The following MSRA variants were observed in gnomAD, a reference collection of about 807,000 sequenced individuals.
MSRA encodes the protein methionine sulfoxide reductase A.
MSRA carries 54 observed loss-of-function variants against 31.3 expected under a neutral mutation model. The observed-to-expected ratio is 1.73, with a 90% CI of 1.39 to 2.17. The LOEUF is 2.17. MSRA is among the 30% of genes most tolerant of loss of function. The pLI, the probability that MSRA is intolerant of heterozygous loss-of-function variation, is 0.00. For synonymous variants in MSRA, 169 were observed against 116.5 expected (o/e 1.45, Z -2.90); for missense variants, 507 against 300.9 (o/e 1.69, Z -5.07).
intron 5 of MSRA, among the ~76,000 whole-genome samples, chr8:10,335,329 A>G (rs1341033469): frequency 7.5e-6 from 1 of 134,050 alleles, no homozygotes; most frequent in Non-Finnish European, 1.5e-5. Context: ...CAGACACTGC[A>G]CGTGAGGCCT....
chr8:10,338,936 G>A (rs1803234405), intron 5 of MSRA, among the ~76,000 whole-genome samples: 1 of 152,334 alleles, frequency 6.6e-6, no homozygotes, highest in African/African-American at 2.4e-5. Flanking sequence ...ATTTAAGTAA[G>A]GTTTTGGCAG....
In MSRA at chr8:10,421,091, C is replaced by G. The variant is rs540002381; in HGVS notation, c.544-7057C>G. ...GGGATGTGAGCTGGGTAGGGAGAGT[C>G]TGACTCACATACAGGCTGATCCATG... is the stretch of plus-strand genomic sequence containing the variant. On this transcript the variant is annotated intron_variant, in intron 5 of 5. Coordinates refer to ENST00000317173, the MANE Select transcript of MSRA (RefSeq NM_012331.5). 1.1e-4 allele frequency among the ~76,000 whole-genome samples: 16 copies of G among 152,252 alleles called. No homozygotes were observed. In the East Asian group the frequency reaches 2.3e-3, roughly 22 times the overall value.
intron 1 of MSRA, among the ~76,000 whole-genome samples, chr8:10,181,375 CAA>C (rs1806521689): frequency 6.7e-6 from 1 of 149,950 alleles, no homozygotes; most frequent in Non-Finnish European, 1.5e-5. Flanking sequence ...TTGAGATGAT[CAA>C]AAGACAGCGT....
At chr8:10,281,711 G>T (rs1380149768) in intron 3 of MSRA, among the ~76,000 whole-genome samples, 2 of 152,148 alleles carry the variant, frequency 1.3e-5, no homozygotes, top group Non-Finnish European at 2.9e-5. Flanking sequence ...TGGCTCCTCT[G>T]TGGGGAATTT....
intron 3 of MSRA, among the ~76,000 whole-genome samples, chr8:10,300,693 C>G (rs981609672): frequency 6.6e-6 from 1 of 152,152 alleles, no homozygotes; most frequent in Non-Finnish European, 1.5e-5. Context: ...TTGCCAAATT[C>G]TTTACTACAC....
At chr8:10,134,905 C>T (rs976685208) in intron 1 of MSRA, among the ~76,000 whole-genome samples, 4 of 152,124 alleles carry the variant, frequency 2.6e-5, no homozygotes, top group Admixed American at 1.3e-4. Context: ...GAGCTCTTGC[C>T]CCGGAGTGTT....
chr8:10,247,915 C>G (rs1218691165), intron 3 of MSRA, among the ~76,000 whole-genome samples: 2 of 152,080 alleles, frequency 1.3e-5, no homozygotes, highest in African/African-American at 2.4e-5. Context: ...AATAAGGTCC[C>G]TCGCTAGAGT....
intron 3 of MSRA, among the ~76,000 whole-genome samples, chr8:10,258,355 C>T (rs1798291917): frequency 6.6e-6 from 1 of 152,202 alleles, no homozygotes; most frequent in Admixed American, 6.5e-5. Flanking sequence ...ACAAAACACC[C>T]AGCTAAGACT....
intron 1 of MSRA, among the ~76,000 whole-genome samples, chr8:10,114,925 C>T (rs995311879): frequency 2.6e-5 from 4 of 152,098 alleles, no homozygotes; most frequent in African/African-American, 9.7e-5. Context: ...TGCATGAAAA[C>T]ACTCAAGATA....
At chr8:10,229,214 C>G (rs896548720) in intron 2 of MSRA, among the ~76,000 whole-genome samples, 15 of 146,622 alleles carry the variant, frequency 1.0e-4, no homozygotes, top group African/African-American at 3.6e-4. Flanking sequence ...TTTTGGGTGA[C>G]AAAGACCTGG....
At chr8:10,129,195 G>A (rs1801722188) in intron 1 of MSRA, among the ~76,000 whole-genome samples, 1 of 152,076 alleles carries the variant, frequency 6.6e-6, no homozygotes, top group African/African-American at 2.4e-5. Context: ...GTTTGCTGTA[G>A]GTTCTTTGCT....
intron 5 of MSRA, among the ~76,000 whole-genome samples, chr8:10,346,549 C>T (rs890749797): frequency 3.9e-5 from 6 of 152,200 alleles, no homozygotes; most frequent in African/African-American, 1.2e-4. Flanking sequence ...AGAGGGCCAG[C>T]CACTAGCCCT....
At chr8:10,123,729 C>T (rs1246470662) in intron 1 of MSRA, among the ~76,000 whole-genome samples, 21 of 152,062 alleles carry the variant, frequency 1.4e-4, no homozygotes. Flanking sequence ...AGCCAGTTAT[C>T]CCGGCACCAT....
intron 5 of MSRA, among the ~76,000 whole-genome samples, chr8:10,424,172 T>C (rs1051821361): frequency 1.3e-5 from 2 of 152,108 alleles, no homozygotes; most frequent in Non-Finnish European, 2.9e-5. Flanking sequence ...GTTCCTGCGA[T>C]GGAAAAGAGG....
At chr8:10,315,846 C>T (rs777165782) in intron 4 of MSRA, among the ~76,000 whole-genome samples, 1 of 152,118 alleles carries the variant, frequency 6.6e-6, no homozygotes, top group Non-Finnish European at 1.5e-5. Flanking sequence ...AAAAGACATT[C>T]TAGGACGCAT....
intron 5 of MSRA, among the ~76,000 whole-genome samples, chr8:10,364,227 C>A (rs756408886): frequency 6.6e-6 from 1 of 152,190 alleles, no homozygotes; most frequent in Non-Finnish European, 1.5e-5. Context: ...ATGAGTTATT[C>A]AGTCATTTCG....
At chr8:10,236,499 C>T (rs1251843024) in intron 2 of MSRA, among the ~76,000 whole-genome samples, 4 of 152,142 alleles carry the variant, frequency 2.6e-5, no homozygotes, top group South Asian at 2.1e-4. Flanking sequence ...TTTATAACAG[C>T]ACCACAAATC....
chr8:10,372,350 C>G (rs912416711), intron 5 of MSRA, among the ~76,000 whole-genome samples: 2 of 152,228 alleles, frequency 1.3e-5, no homozygotes, highest in East Asian at 3.8e-4. Context: ...ATGGAGATTA[C>G]TTTCAGAATG....
At chr8:10,227,722 C>T (rs11774990) in intron 2 of MSRA, among the ~76,000 whole-genome samples, 22,655 of 152,082 alleles carry the variant, frequency 0.15, 1,947 homozygotes, top group East Asian at 0.29. Flanking sequence ...CAAATTAAAG[C>T]AGCATTAGGA....
Sources: gnomAD v4.1 joint callset for allele counts (sites outside exome capture counted in the v4.1 genomes callset) on GRCh38, gnomAD v4.1.1 for gene constraint, MANE v1.5 for transcripts, NCBI Gene and HGNC (gene_info 2026-07-23, HGNC 2026-07-21) for gene names.